Variants in ESR1 observed in about 807,000 individuals in gnomAD.
ESR1 encodes the protein estrogen receptor 1.
A neutral mutation model predicts 52.7 loss-of-function variants in ESR1; 12 were observed. The observed-to-expected ratio is 0.23, with a 90% CI of 0.15 to 0.37. The LOEUF is 0.37. ESR1 is among the 10% of genes least tolerant of loss of function. The probability of loss-of-function intolerance (pLI) is 1.00; values close to 1 mark genes in which losing one functional copy is unlikely to be tolerated. For missense variants in ESR1, 584 were observed against 779.7 expected (o/e 0.75, Z 2.99); for synonymous variants, 305 against 316.8 (o/e 0.96, Z 0.39).
At chr6:151,710,044 A>G (rs1490459319) in intron 2 of ESR1, among the ~76,000 whole-genome samples, 5 of 151,964 alleles carry the variant, frequency 3.3e-5, no homozygotes, top group Non-Finnish European at 5.9e-5. Context: ...TATATAAAGA[A>G]CGAATTGTTT....
chr6:151,934,016 G>T (rs970339389), intron 3 of ESR1, among the ~76,000 whole-genome samples: 4 of 152,136 alleles, frequency 2.6e-5, no homozygotes, highest in African/African-American at 9.7e-5. Context: ...GAAAGCAGTG[G>T]CTTCTCATCT....
chr6:152,021,097 T>G (rs562727953), intron 5 of ESR1, among the ~76,000 whole-genome samples: 12 of 152,292 alleles, frequency 7.9e-5, no homozygotes, highest in Non-Finnish European at 5.9e-5. Context: ...GGTGTGTCTG[T>G]GAGGGTGTTA....
chr6:152,015,964 T>C (rs2043138015), intron 5 of ESR1, among the ~76,000 whole-genome samples: 1 of 152,172 alleles, frequency 6.6e-6, no homozygotes, highest in Non-Finnish European at 1.5e-5. Context: ...TTGGCTGTGT[T>C]CCCACCCAAA....
intron 2 of ESR1, among the ~76,000 whole-genome samples, chr6:151,737,606 A>G (rs1233672943): frequency 6.6e-6 from 1 of 152,152 alleles, no homozygotes; most frequent in Non-Finnish European, 1.5e-5. Flanking sequence ...TGCAGTGGAA[A>G]ATGAGTGCAC....
At chr6:151,817,442 T>C (rs1047258115) in intron 1 of ESR1, among the ~76,000 whole-genome samples, 4 of 152,106 alleles carry the variant, frequency 2.6e-5, no homozygotes, top group Non-Finnish European at 4.4e-5. Flanking sequence ...GTTCTAACCA[T>C]GAGGAGCACT....
intron 1 of ESR1, among the ~76,000 whole-genome samples, chr6:151,830,834 G>A (rs748414056): frequency 3.3e-5 from 5 of 152,092 alleles, no homozygotes; most frequent in Admixed American, 6.5e-5. Flanking sequence ...TTTACCGAGA[G>A]CCTTAAATTT....
intron 1 of ESR1, among the ~76,000 whole-genome samples, chr6:151,675,448 G>A (rs376273069): frequency 6.6e-6 from 1 of 152,154 alleles, no homozygotes; most frequent in South Asian, 2.1e-4. Flanking sequence ...AGGGTTAGGG[G>A]AACTATAGCT....
chr6:152,125,753 T>G (rs190058980), exon 7 of ESR1: 124 of 159,868 alleles, frequency 7.8e-4, no homozygotes, highest in Non-Finnish European at 1.4e-3. Flanking sequence ...TAATTGATAG[T>G]ACAATCTGAC....
chr6:151,736,295 T>C (rs1277402430), intron 2 of ESR1, among the ~76,000 whole-genome samples: 1 of 151,772 alleles, frequency 6.6e-6, no homozygotes, highest in East Asian at 1.9e-4. Flanking sequence ...TTGTGGATCA[T>C]AAACTTGAGT....
chr6:151,894,153 G>GT (rs1183759130), intron 3 of ESR1, among the ~76,000 whole-genome samples: 1 of 152,150 alleles, frequency 6.6e-6, no homozygotes, highest in African/African-American at 2.4e-5. Flanking sequence ...CTTTGGTGAT[G>GT]TTGAGTATTT....
chr6:151,674,330 C>T (rs1778180196), intron 1 of ESR1, among the ~76,000 whole-genome samples: 2 of 152,114 alleles, frequency 1.3e-5, no homozygotes, highest in Admixed American at 6.5e-5. Flanking sequence ...CGGTTTCCAG[C>T]TTCATTCATG....
rs574619913 is a variant in ESR1 at position 151,819,634 on chromosome 6, A to T, written c.452+11270A>T. Among the ~76,000 whole-genome samples the T allele has an allele frequency of 7.5e-4, 114 of 152,304 alleles. 1 individual carries two copies. Among genetic ancestry groups the T allele is most frequent in the African/African-American group, 2.4e-3 (100 of 41,560 alleles). The stretch of plus-strand genomic sequence containing the variant: ...CCCCCAGATGGGACTGTCTAGTTGC[A>T]GGAAAACAAGTTCAGGGCTCTCACT... On this transcript the variant is annotated intron_variant, in intron 1 of 7. Coordinates refer to ENST00000206249, the MANE Select transcript of ESR1 (RefSeq NM_000125.4).
intron 2 of ESR1, among the ~76,000 whole-genome samples, chr6:151,723,973 G>C (rs756108681): frequency 3.9e-5 from 6 of 152,080 alleles, no homozygotes; most frequent in Non-Finnish European, 5.9e-5. Context: ...ATAGGTACAA[G>C]CAGATGGGAT....
At chr6:151,695,244 C>G (rs1779250515) in intron 1 of ESR1, among the ~76,000 whole-genome samples, 2 of 152,168 alleles carry the variant, frequency 1.3e-5, no homozygotes, top group African/African-American at 4.8e-5. Context: ...ATTTAGTCTC[C>G]TATTTAAAGC....
In ESR1 at chr6:152,053,901, A is replaced by G. The variant is rs554507754; in HGVS notation, c.1236-7090A>G. ...CTGCATACTTTTGTAAGTGTAGAAA[A>G]TATATGTATAGGAATAATTGCACAT... On this transcript the variant is annotated intron_variant, in intron 5 of 7. Coordinates refer to ENST00000206249, the MANE Select transcript of ESR1 (RefSeq NM_000125.4). This position sits in a 1 kb window ranked among gnomAD's most constrained non-coding sequence, Gnocchi z 4.1. Among the ~76,000 whole-genome samples, 1 of 152,302 alleles carries G rather than the reference A, an allele frequency of 6.6e-6. No individual in the cohort carries two copies. The highest frequency in any genetic ancestry group is 2.4e-5 in the African/African-American group (1 of 41,566).
At chr6:152,016,265 T>C (rs969273332) in intron 5 of ESR1, among the ~76,000 whole-genome samples, 2 of 152,122 alleles carry the variant, frequency 1.3e-5, no homozygotes, top group African/African-American at 4.8e-5. Flanking sequence ...GTCTCAAGTA[T>C]GTCTTTATTA....
At chr6:152,055,080 C>G (rs1183758393) in intron 5 of ESR1, among the ~76,000 whole-genome samples, 1 of 151,582 alleles carries the variant, frequency 6.6e-6, no homozygotes, top group Non-Finnish European at 1.5e-5. Flanking sequence ...TTTTTTTGCT[C>G]ATCTGTTGAT....
At chr6:151,888,636 T>C (rs1794241800) in intron 3 of ESR1, among the ~76,000 whole-genome samples, 1 of 152,176 alleles carries the variant, frequency 6.6e-6, no homozygotes, top group South Asian at 2.1e-4. Flanking sequence ...TTTAACTTCT[T>C]CTTTTTCAAT....
intron 4 of ESR1, among the ~76,000 whole-genome samples, chr6:151,947,884 A>G (rs899615825): frequency 5.3e-5 from 8 of 152,300 alleles, no homozygotes; most frequent in Non-Finnish European, 1.2e-4. Flanking sequence ...TTTATAACAC[A>G]TACTATGTAT....
Sources: allele counts gnomAD v4.1 joint callset (sites outside exome capture counted in the v4.1 genomes callset), GRCh38; gene constraint gnomAD v4.1.1; non-coding constraint Gnocchi (gnomAD v3.1); transcripts MANE v1.5; gene names NCBI Gene and HGNC (gene_info 2026-07-23, HGNC 2026-07-21).